Variants in ZNF658 observed in about 807,000 individuals in gnomAD.
The protein encoded by ZNF658 is zinc finger protein 658.
ZNF658 carries 46 observed loss-of-function variants against 78.0 expected under a neutral mutation model. The observed-to-expected ratio is 0.59, with a 90% CI of 0.47 to 0.75. ZNF658 has a LOEUF of 0.75. ZNF658 is among the 30% of genes least tolerant of loss of function. The pLI, the probability that ZNF658 is intolerant of heterozygous loss-of-function variation, is 0.00. For missense variants in ZNF658, 785 were observed against 1,189.3 expected, an observed-to-expected ratio of 0.66 and a Z score of 5.00; for synonymous variants, 279 against 408.4, an observed-to-expected ratio of 0.68 and a Z score of 3.82.
Position 66,917,972 on chromosome 9 carries a change from T to G in ZNF658, c.406T>G (p.Ser136Ala), listed in dbSNP as rs140991127. ...EIAPELSEKISCKCDSHRMNL... is the reference protein window; with the variant it reads ...EIAPELSEKIACKCDSHRMNL... Reference sequence around the variant, plus strand: ...AGCTCCAGAGCTTTCAGAAAAAATATCCTGTAAATGTGACTCACACAGAAT... The same window carrying G: ...AGCTCCAGAGCTTTCAGAAAAAATAGCCTGTAAATGTGACTCACACAGAAT... The change falls in exon 5 of 5, where the codon TCC becomes GCC. Residue 136 changes from serine (S) to alanine (A), a missense_variant. Physicochemically the swap from Ser to Ala is moderately conservative, Grantham distance 99. Transcript: ENST00000621410. 11 of 1,607,008 alleles carry G rather than the reference T, an allele frequency of 6.8e-6. 1 individual carries two copies. The highest frequency in any genetic ancestry group is 9.3e-6 in the Non-Finnish European group (11 of 1,178,716).
intron 2 of ZNF658, among the ~76,000 whole-genome samples, chr9:66,904,304 C>T (rs561984477): frequency 6.6e-6 from 1 of 152,132 alleles, no homozygotes; most frequent in African/African-American, 2.4e-5. Context: ...CCTTAACTTG[C>T]TTGGCTTTTC....
intron 4 of ZNF658, among the ~76,000 whole-genome samples, chr9:66,915,637 G>A (rs924643242): frequency 1.7e-4 from 26 of 152,074 alleles, no homozygotes; most frequent in Admixed American, 1.2e-3. Flanking sequence ...GTAGTAGCCC[G>A]AACTAAGACA....
Position 66,918,185 on chromosome 9 carries a change from A to T in ZNF658, c.619A>T (p.Lys207Ter). 6.2e-7 allele frequency: 1 copy of T among 1,607,222 alleles called. No individual in the cohort carries two copies. Among genetic ancestry groups the T allele is most frequent in the Non-Finnish European group, 8.5e-7 (1 of 1,177,536 alleles). The change falls in exon 5 of 5, where the codon AAA (lysine) becomes TAA (stop). Residue 207 changes from lysine to a stop codon, truncating the protein, a stop_gained. Transcript: ENST00000621410. LOFTEE classifies it high-confidence loss of function. The part of the protein sequence containing the change: ...AFSYKKDQHW[K>*]FQTLEESFEC... Reference sequence around the variant, plus strand: ...CAGTTATAAGAAAGATCAGCATTGGAAATTTCAAACTTTGGAGGAATCTTT... The same window carrying T: ...CAGTTATAAGAAAGATCAGCATTGGTAATTTCAAACTTTGGAGGAATCTTT...
intron 4 of ZNF658, among the ~76,000 whole-genome samples, chr9:66,909,603 A>T (rs1340440975): frequency 6.6e-6 from 1 of 151,918 alleles, no homozygotes; most frequent in East Asian, 1.9e-4. Flanking sequence ...CTGCTGGGTC[A>T]TATGGTATCT....
intron 4 of ZNF658, among the ~76,000 whole-genome samples, chr9:66,913,674 A>G (rs1822268484): frequency 6.6e-6 from 1 of 151,058 alleles, no homozygotes; most frequent in African/African-American, 2.4e-5. Context: ...TAACAGATTT[A>G]GGAATCCTAT....
chr9:66,927,534 T>C (rs1386766513), intron 6 of ZNF658, among the ~76,000 whole-genome samples: 2 of 148,646 alleles, frequency 1.3e-5, no homozygotes, highest in East Asian at 4.0e-4. Context: ...ATCAGGATCT[T>C]GAAGTAATAT....
Position 66,919,884 on chromosome 9 carries a change from G to GC in ZNF658, c.2319dup (p.Lys774GlnfsTer16). 1.3e-6 allele frequency: 2 copies of GC among 1,591,986 alleles called. No individual in the cohort carries two copies. Among genetic ancestry groups the GC allele is most frequent in the Non-Finnish European group, 1.7e-6 (2 of 1,167,664 alleles). ...ACAGGGGAGAAACCCTATGAATGTA[G>GC]CAAGTGTGGGAAAACTTTCTCCCAG... On this transcript the variant is annotated frameshift_variant, in exon 5 of 5. Coordinates refer to ENST00000621410, the MANE Select transcript of ZNF658 (RefSeq NM_033160.7). LOFTEE classifies it high-confidence loss of function.
At chr9:66,912,666 C>G (rs905718901) in intron 4 of ZNF658, among the ~76,000 whole-genome samples, 19 of 151,358 alleles carry the variant, frequency 1.3e-4, no homozygotes, top group Non-Finnish European at 1.9e-4. Flanking sequence ...ACTGCTGAGT[C>G]AAACACAAAG....
downstream of ZNF658, among the ~76,000 whole-genome samples, chr9:66,923,312 T>C (rs1822553671): frequency 1.3e-5 from 2 of 150,704 alleles, no homozygotes; most frequent in Non-Finnish European, 3.0e-5. Flanking sequence ...TCCTGCCTGC[T>C]TTATTTTAGC....
chr9:66,907,703 G>A (rs1822110724), intron 2 of ZNF658, among the ~76,000 whole-genome samples: 1 of 152,200 alleles, frequency 6.6e-6, no homozygotes, highest in Admixed American at 6.5e-5. Context: ...GTATTAAATG[G>A]GTGTTGCTTC....
Position 66,918,966 on chromosome 9 carries a change from C to T in ZNF658, c.1400C>T (p.Pro467Leu). 1.4e-6 allele frequency: 2 copies of T among 1,394,406 alleles called. No homozygotes were observed. Among genetic ancestry groups the T allele is most frequent in the Non-Finnish European group, 9.9e-7 (1 of 1,011,172 alleles). 86.4% of individuals were successfully genotyped at this position (1,394,406 alleles called of 1,614,324 possible). ...KHLRIHTKEK[P>L]CDNNGCGRSY... ...CTGAGAATTCACACAAAAGAGAAACCTTGTGATAACAATGGCTGTGGGAGA... is the reference window on the plus strand; with the variant it reads ...CTGAGAATTCACACAAAAGAGAAACTTTGTGATAACAATGGCTGTGGGAGA... Residue 467 changes from proline to leucine, a missense_variant, in exon 5 of 5, where the codon CCT becomes CTT. Coordinates refer to ENST00000621410, the MANE Select transcript of ZNF658 (RefSeq NM_033160.7).
At chr9:66,929,587 G>C (rs1223198718) in intron 6 of ZNF658, among the ~76,000 whole-genome samples, 1 of 151,754 alleles carries the variant, frequency 6.6e-6, no homozygotes, top group African/African-American at 2.4e-5. Context: ...AGATAGTTTA[G>C]ATTTGAGTCA....
chr9:66,910,534 C>T (rs963929673), intron 4 of ZNF658, among the ~76,000 whole-genome samples: 7 of 151,592 alleles, frequency 4.6e-5, no homozygotes, highest in African/African-American at 9.7e-5. Flanking sequence ...TTGGGCCAGG[C>T]GTGGTGGCTC....
chr9:66,927,171 A>T (rs1822593776), intron 6 of ZNF658, among the ~76,000 whole-genome samples: 1 of 152,032 alleles, frequency 6.6e-6, no homozygotes, highest in South Asian at 2.1e-4. Flanking sequence ...AGTAGATAAA[A>T]CTAACAATCT....
chr9:66,924,002 T>A (rs998094723), downstream of ZNF658, among the ~76,000 whole-genome samples: 1 of 148,840 alleles, frequency 6.7e-6, no homozygotes, highest in African/African-American at 2.5e-5. Flanking sequence ...TACAAAAAAA[T>A]AAGCCAGGAA....
rs200462821 is a variant in ZNF658, at chr9:66,920,041, C to T, written c.2475C>T (p.Pro825=). The T allele has an allele frequency of 6.2e-7, 1 of 1,613,118 alleles. No homozygotes were observed. Among genetic ancestry groups the T allele is most frequent in the Non-Finnish European group, 8.5e-7 (1 of 1,179,908 alleles). The change falls in exon 5 of 5, where the codon CCC becomes CCT. Residue 825 remains proline, a synonymous_variant. Transcript: ENST00000621410. ...AAAGAATTCACACAGGGGAGAAACC[C>T]TATGAATGTAACCAATGTGGGAAAA... ...VHQRIHTGEK[P]YECNQCGKTF...
chr9:66,910,119 C>T lies in ZNF658; in HGVS notation c.238+1385C>T, dbSNP rs567441675. On this transcript the variant is annotated intron_variant, in intron 4 of 4. Transcript: ENST00000621410. ...TTACCCTTTTTGCCTCCTTGAAGGC[C>T]TTGTCTGCAAATACAGTTACACTGG... 5.9e-5 allele frequency among the ~76,000 whole-genome samples: 9 copies of T among 152,222 alleles called. No individual in the cohort carries two copies. The East Asian group carries it at 1.7e-3, about 29-fold the overall frequency.
chr9:66,908,554 T>G, intron 3 of ZNF658, 85 bp from the exon 4 acceptor site: 1 of 1,494,768 alleles, frequency 6.7e-7, no homozygotes, highest in Non-Finnish European at 8.9e-7. Context: ...ACACCCTCAG[T>G]TAATGCTTTG....
At chr9:66,902,349 G>C (rs1298446593) in intron 1 of ZNF658, among the ~76,000 whole-genome samples, 1 of 126,442 alleles carries the variant, frequency 7.9e-6, no homozygotes, top group Non-Finnish European at 1.7e-5. Context: ...AGCAGGTCCT[G>C]ATTGCTTCCC....
Sources: gnomAD v4.1 joint callset for allele counts (sites outside exome capture counted in the v4.1 genomes callset) on GRCh38, gnomAD v4.1.1 for gene constraint, MANE v1.5 for transcripts, NCBI Gene and HGNC (gene_info 2026-07-23, HGNC 2026-07-21) for gene names.